Variants in FIG4 observed in about 807,000 individuals in gnomAD.
FIG4 encodes the protein polyphosphoinositide phosphatase.
In FIG4, 112 loss-of-function variants were observed where a neutral mutation model predicts 118.6. The ratio of observed to expected loss-of-function variants is 0.94; its 90% CI spans 0.81 to 1.11. The LOEUF (loss-of-function observed/expected upper bound fraction) is 1.11. Among genes scored for constraint, FIG4 ranks in the 50% least tolerant of loss-of-function variants. The pLI is 0.00. For synonymous variants in FIG4, 369 were observed against 381.2 expected (o/e 0.97, Z 0.37); for missense variants, 969 against 1,111.7 (o/e 0.87, Z 1.83).
intron 10 of FIG4, among the ~76,000 whole-genome samples, chr6:109,747,831 G>T (rs539078487): frequency 2.7e-4 from 41 of 152,140 alleles, no homozygotes; most frequent in Admixed American, 5.9e-4. Flanking sequence ...TATCACTTAG[G>T]CTGGAGTGCA....
At chr6:109,716,059 G>T (rs970372071) in intron 2 of FIG4, among the ~76,000 whole-genome samples, 3 of 152,116 alleles carry the variant, frequency 2.0e-5, no homozygotes, top group Non-Finnish European at 2.9e-5. Flanking sequence ...GGAGCAATTG[G>T]TCAGAGAGCC....
chr6:109,786,054 A>G, intron 17 of FIG4: 2 of 517,044 alleles, frequency 3.9e-6, no homozygotes, highest in South Asian at 2.3e-5. Context: ...GCCTGCTCCC[A>G]TTGGACTTCC....
intron 1 of FIG4, among the ~76,000 whole-genome samples, chr6:109,705,649 A>G (rs934262479): frequency 6.6e-6 from 1 of 152,236 alleles, no homozygotes; most frequent in African/African-American, 2.4e-5. Context: ...TTCGAAGTCC[A>G]ATAATGCATT....
chr6:109,721,931 A>G (rs1377142202), intron 3 of FIG4, among the ~76,000 whole-genome samples: 11 of 152,242 alleles, frequency 7.2e-5, no homozygotes, highest in Non-Finnish European at 2.9e-5. Flanking sequence ...AAATTCAATT[A>G]GAATGCAGGT....
chr6:109,767,190 A>T (rs1339782163), intron 15 of FIG4, among the ~76,000 whole-genome samples: 1 of 152,178 alleles, frequency 6.6e-6, no homozygotes, highest in Non-Finnish European at 1.5e-5. Context: ...CTTGCAGTAT[A>T]TAGATAAAAT....
At chr6:109,792,792 T>C in intron 21 of FIG4, 128 bp downstream of exon 21, 1 of 603,490 alleles carries the variant, frequency 1.7e-6, no homozygotes, top group Non-Finnish European at 2.9e-6. Context: ...CAGGCTGTAG[T>C]GCAGTGGTAT....
chr6:109,693,627 C>T lies in FIG4; in HGVS notation c.66+2126C>T, dbSNP rs1398495011. The stretch of plus-strand genomic sequence containing the variant: ...GGAAAGAGATAACAGGTTTGAGAAC[C>T]CTCTCAGAGTACTGCCAAAAACAGT... On this transcript the variant is annotated intron_variant, in intron 1 of 22. Transcript: ENST00000230124. Among the ~76,000 whole-genome samples the T allele has an allele frequency of 2.0e-5, 3 of 152,246 alleles. No individual in the cohort carries two copies. The South Asian group carries it at 6.2e-4, about 32-fold the overall frequency.
At chr6:109,761,814 G>A (rs1314573040) in intron 11 of FIG4, among the ~76,000 whole-genome samples, 1 of 152,200 alleles carries the variant, frequency 6.6e-6, no homozygotes, top group East Asian at 1.9e-4. Context: ...TTTGGAGAAA[G>A]CTCAGGCAGG....
chr6:109,801,776 C>G (rs1318551700), intron 22 of FIG4, among the ~76,000 whole-genome samples: 1 of 152,166 alleles, frequency 6.6e-6, no homozygotes, highest in Non-Finnish European at 1.5e-5. Flanking sequence ...ATGATTAACT[C>G]AACTTCATTT....
At chr6:109,695,008 A>G (rs1263676185) in intron 1 of FIG4, among the ~76,000 whole-genome samples, 3 of 152,242 alleles carry the variant, frequency 2.0e-5, no homozygotes, top group Non-Finnish European at 4.4e-5. Flanking sequence ...TAGTATAGCC[A>G]TTATAGAAAA....
chr6:109,704,987 G>A (rs760681778), intron 1 of FIG4, among the ~76,000 whole-genome samples: 9 of 152,180 alleles, frequency 5.9e-5, no homozygotes, highest in Non-Finnish European at 1.3e-4. Context: ...TCTATCAGGA[G>A]TGGGGGAGGG....
intron 3 of FIG4, among the ~76,000 whole-genome samples, 185 bp downstream of exon 3, chr6:109,716,753 T>C (rs929512465): frequency 2.0e-5 from 3 of 152,242 alleles, no homozygotes; most frequent in Non-Finnish European, 4.4e-5. Context: ...CATCTGCTTA[T>C]GCACTTAGCA....
intron 20 of FIG4, among the ~76,000 whole-genome samples, chr6:109,791,790 C>A (rs1778145888): frequency 6.6e-6 from 1 of 152,194 alleles, no homozygotes; most frequent in African/African-American, 2.4e-5. Flanking sequence ...TGGTGAATTT[C>A]TGATCCTTTC....
intron 20 of FIG4, among the ~76,000 whole-genome samples, chr6:109,791,879 G>T (rs796105231): frequency 2.6e-5 from 4 of 152,282 alleles, no homozygotes; most frequent in African/African-American, 9.6e-5. Context: ...TGGGCACATT[G>T]TTGGATCACA....
chr6:109,716,688 T>C, intron 3 of FIG4, 120 bp downstream of exon 3: 1 of 1,233,044 alleles, frequency 8.1e-7, no homozygotes, highest in East Asian at 2.4e-5. Flanking sequence ...CCTGTAGCTT[T>C]GGTTATTTAA....
intron 3 of FIG4, among the ~76,000 whole-genome samples, chr6:109,717,715 G>A (rs190525080): frequency 6.9e-4 from 105 of 152,256 alleles, no homozygotes; most frequent in African/African-American, 2.4e-3. Context: ...TCCAGTAAGG[G>A]TGACAGCAGA....
At chr6:109,770,208 T>C (rs1777417048) in intron 15 of FIG4, among the ~76,000 whole-genome samples, 1 of 152,178 alleles carries the variant, frequency 6.6e-6, no homozygotes, top group Non-Finnish European at 1.5e-5. Context: ...CTTAAGGGCC[T>C]TGCTAAGCTC....
intron 11 of FIG4, 129 bp from the exon 12 acceptor site, chr6:109,761,962 C>T: frequency 1.5e-6 from 1 of 668,560 alleles, no homozygotes; most frequent in Non-Finnish European, 2.7e-6. Flanking sequence ...CTATCAAGTA[C>T]CAGCCAAGAG....
chr6:109,711,043 G>C (rs1220571886), intron 1 of FIG4, among the ~76,000 whole-genome samples: 2 of 151,976 alleles, frequency 1.3e-5, no homozygotes, highest in Admixed American at 1.3e-4. Context: ...TTGTCAGTGT[G>C]GTGTTAAAGT....
Sources: allele counts gnomAD v4.1 joint callset (sites outside exome capture counted in the v4.1 genomes callset), GRCh38; gene constraint gnomAD v4.1.1; transcripts MANE v1.5; gene names NCBI Gene and HGNC (gene_info 2026-07-23, HGNC 2026-07-21).